SLC13A3: variants seen among roughly 807,000 people sequenced by gnomAD.
SLC13A3 encodes the protein solute carrier family 13 member 3.
In SLC13A3, 40 loss-of-function variants were observed where a neutral mutation model predicts 59.0. That is an observed-to-expected ratio of 0.68 (90% CI 0.53 to 0.88). The LOEUF (loss-of-function observed/expected upper bound fraction) is 0.88, where lower values mean the gene tolerates loss of function less well. SLC13A3 is among the 40% of genes least tolerant of loss of function. The probability of loss-of-function intolerance (pLI) is 0.00; values close to 1 mark genes in which losing one functional copy is unlikely to be tolerated. For synonymous variants in SLC13A3, 317 were observed against 330.3 expected, an observed-to-expected ratio of 0.96 and a Z score of 0.44; for missense variants, 699 against 783.2, an observed-to-expected ratio of 0.89 and a Z score of 1.28.
At chr20:46,605,070 C>T (rs1001007955) in intron 3 of SLC13A3, among the ~76,000 whole-genome samples, 2 of 152,152 alleles carry the variant, frequency 1.3e-5, no homozygotes, top group African/African-American at 4.8e-5. Flanking sequence ...TGCTCTGCAT[C>T]TGAGTTGAAG....
Position 46,588,114 on chromosome 20 carries a change from G to A in SLC13A3, c.1066C>T (p.Leu356Phe), listed in dbSNP as rs748344736. Residue 356 changes from leucine (L) to phenylalanine (F), a missense_variant, in exon 8 of 13, where the codon CTC becomes TTC. Leu to Phe is a conservative substitution (Grantham distance 22, BLOSUM62 0). Transcript: ENST00000279027. Reference protein sequence around the residue: ...FILFCMFAILLFTRDPKFIPG... With the variant: ...FILFCMFAILFFTRDPKFIPG... ...ATGAACTTCGGGTCCCGGGTGAAGAGGAGGATGGCAAACATGCAGAAAAGG... is the reference window on the plus strand; with the variant it reads ...ATGAACTTCGGGTCCCGGGTGAAGAAGAGGATGGCAAACATGCAGAAAAGG... The A allele has an allele frequency of 1.5e-5, 25 of 1,613,154 alleles. No homozygotes were observed. Among genetic ancestry groups the A allele is most frequent in the Admixed American group, 1.7e-5 (1 of 59,914 alleles).
intron 4 of SLC13A3, among the ~76,000 whole-genome samples, chr20:46,596,602 C>T (rs961847630): frequency 1.3e-5 from 2 of 152,038 alleles, no homozygotes; most frequent in Non-Finnish European, 2.9e-5. Flanking sequence ...AGTCTAAATG[C>T]CCATCAAAAA....
At chr20:46,664,337 T>C (rs2122918986) in intron 1 of SLC13A3, among the ~76,000 whole-genome samples, 2 of 152,312 alleles carry the variant, frequency 1.3e-5, no homozygotes, top group Middle Eastern at 6.8e-3. Flanking sequence ...GTACAGAATC[T>C]TGACACCCAA....
chr20:46,624,699 C>A (rs2062651076), intron 1 of SLC13A3, among the ~76,000 whole-genome samples: 1 of 152,200 alleles, frequency 6.6e-6, no homozygotes, highest in South Asian at 2.1e-4. Context: ...ATCTGAAATT[C>A]AAAGTGAACT....
chr20:46,640,484 C>T (rs1016901226), intron 1 of SLC13A3, among the ~76,000 whole-genome samples: 3 of 152,150 alleles, frequency 2.0e-5, no homozygotes, highest in South Asian at 2.1e-4. Context: ...TGTCCCTCTT[C>T]GTGTGAATTT....
At chr20:46,610,904 C>T (rs925818431) in intron 2 of SLC13A3, among the ~76,000 whole-genome samples, 2 of 152,022 alleles carry the variant, frequency 1.3e-5, no homozygotes, top group African/African-American at 4.8e-5. Context: ...ATAAAGTTGC[C>T]GGGGCACCAA....
upstream of SLC13A3, among the ~76,000 whole-genome samples, chr20:46,674,158 AC>A (rs1385297258): frequency 6.6e-6 from 1 of 151,832 alleles, no homozygotes; most frequent in Non-Finnish European, 1.5e-5. Flanking sequence ...CCTCCCCTCC[AC>A]CTCCGCACCC....
At position 46,560,082 on chromosome 20, in the gene SLC13A3, G is replaced by A; in HGVS notation, c.1749C>T (p.Tyr583=). The A allele has an allele frequency of 1.2e-6, 2 of 1,614,168 alleles. No homozygotes were observed. The highest frequency in any genetic ancestry group is 1.7e-6 in the Non-Finnish European group (2 of 1,180,034). The change falls in exon 13 of 13, where the codon TAC becomes TAT. Residue 583 remains tyrosine (Y), a synonymous_variant. Coordinates refer to ENST00000279027, the MANE Select transcript of SLC13A3 (RefSeq NM_022829.6). ...LGTFPDWADM[Y]SVNVTALPPT... The stretch of plus-strand genomic sequence containing the variant: ...GTGGCAATGCTGTGACATTGACCGA[G>A]TACATATCAGCCCAGTCCGGGAAGG...
At chr20:46,660,559 T>C (rs1714190264) in intron 1 of SLC13A3, among the ~76,000 whole-genome samples, 2 of 152,222 alleles carry the variant, frequency 1.3e-5, no homozygotes, top group African/African-American at 2.4e-5. Flanking sequence ...TGGCTACTTG[T>C]AAGATCTCTT....
At chr20:46,675,553 TTTTC>T (rs1215423240) in intron 1 of SLC13A3, among the ~76,000 whole-genome samples, 24 of 151,032 alleles carry the variant, frequency 1.6e-4, no homozygotes, top group Non-Finnish European at 2.4e-4. Context: ...GCCCCTTTTT[TTTTC>T]TTTCTTTCTT....
chr20:46,626,897 A>T (rs1378495826), intron 1 of SLC13A3, among the ~76,000 whole-genome samples: 1 of 132,956 alleles, frequency 7.5e-6, no homozygotes, highest in Non-Finnish European at 1.6e-5. Context: ...GACCCCACGC[A>T]CCCCCTTCTA....
upstream of SLC13A3, among the ~76,000 whole-genome samples, chr20:46,674,600 C>CGT (rs1224790534): frequency 2.1e-3 from 104 of 48,446 alleles, no homozygotes; most frequent in Middle Eastern, 0.012. Context: ...CGCGCGCGCG[C>CGT]GCGCGTGTGT....
chr20:46,634,789 A>C (rs979184883), intron 1 of SLC13A3, among the ~76,000 whole-genome samples: 2 of 152,138 alleles, frequency 1.3e-5, no homozygotes, highest in African/African-American at 4.8e-5. Flanking sequence ...AAGCTGATTC[A>C]TGGTGTGACC....
At chr20:46,608,741 T>A (rs2122734788) in intron 3 of SLC13A3, 1 of 1,020,882 alleles carries the variant, frequency 9.8e-7, no homozygotes. Context: ...TTTAATTTAA[T>A]TCATATTTTA....
intron 10 of SLC13A3, among the ~76,000 whole-genome samples, chr20:46,574,391 G>A (rs187829346): frequency 1.6e-4 from 25 of 152,282 alleles, no homozygotes; most frequent in African/African-American, 5.1e-4. Context: ...CTGGTGTGGC[G>A]ATTCAGTGAG....
chr20:46,599,536 AT>A (rs1827834513), intron 4 of SLC13A3, among the ~76,000 whole-genome samples: 2 of 152,236 alleles, frequency 1.3e-5, no homozygotes, highest in African/African-American at 2.4e-5. Context: ...ACTAAATGCG[AT>A]TTCAACATCA....
chr20:46,629,104 T>C (rs1410800671), intron 1 of SLC13A3, among the ~76,000 whole-genome samples: 1 of 152,244 alleles, frequency 6.6e-6, no homozygotes, highest in Admixed American at 6.5e-5. Flanking sequence ...AAATTTGGAT[T>C]TCTTTCTTAT....
intron 9 of SLC13A3, among the ~76,000 whole-genome samples, chr20:46,578,871 A>AGTTGGCT: frequency 6.6e-6 from 1 of 152,082 alleles, no homozygotes; most frequent in Non-Finnish European, 1.5e-5. Context: ...AGGAACAGCT[A>AGTTGGCT]GTTGGCAAAG....
At chr20:46,628,885 A>G (rs2062706906) in intron 1 of SLC13A3, among the ~76,000 whole-genome samples, 1 of 152,244 alleles carries the variant, frequency 6.6e-6, no homozygotes, top group Admixed American at 6.5e-5. Context: ...CTCAGGCCCA[A>G]GGGCCAGGAA....
Sources: gnomAD v4.1 joint callset for allele counts (sites outside exome capture counted in the v4.1 genomes callset) on GRCh38, gnomAD v4.1.1 for gene constraint, MANE v1.5 for transcripts, NCBI Gene and HGNC (gene_info 2026-07-23, HGNC 2026-07-21) for gene names.